ARHGEF9: variants seen among roughly 807,000 people sequenced by gnomAD.
ARHGEF9 encodes the protein rho guanine nucleotide exchange factor 9.
Under a neutral mutation model 41.3 loss-of-function variants are expected in ARHGEF9, and 2 were observed. That is an observed-to-expected ratio of 0.05 (90% CI 0.02 to 0.15). The LOEUF (loss-of-function observed/expected upper bound fraction) is 0.15. Ranked by LOEUF, ARHGEF9 falls within the 10% of genes least tolerant of loss-of-function variation. The probability of loss-of-function intolerance (pLI) is 1.00; values close to 1 mark genes in which losing one functional copy is unlikely to be tolerated. For missense variants in ARHGEF9, 225 were observed against 424.7 expected (o/e 0.53, Z 4.13); for synonymous variants, 160 against 154.4 (o/e 1.04, Z -0.27).
At chrX:63,685,983 G>A (rs782195392) in intron 4 of ARHGEF9, among the ~76,000 whole-genome samples, 3 of 111,367 alleles carry the variant, frequency 2.7e-5, no homozygotes, top group Non-Finnish European at 3.8e-5. Context: ...ACTAAAAATC[G>A]AATTACCATT....
chrX:63,651,965 A>G (rs186807652), intron 8 of ARHGEF9, among the ~76,000 whole-genome samples: 21 of 111,527 alleles, frequency 1.9e-4, no homozygotes, highest in African/African-American at 6.8e-4. Flanking sequence ...GCAAACTGAA[A>G]CAAATAGATA....
At chrX:63,655,221 A>C (rs782660928) in intron 8 of ARHGEF9, among the ~76,000 whole-genome samples, 2 of 112,105 alleles carry the variant, frequency 1.8e-5, no homozygotes, top group African/African-American at 3.2e-5. Flanking sequence ...TTATTTGCTA[A>C]TAAATGTATG....
rs782722185 is a variant in ARHGEF9 at position 63,769,171 on chromosome X, T to C, written c.30+15945A>G. On this transcript the variant is annotated intron_variant, in intron 1 of 9. Coordinates refer to ENST00000671741, the MANE Select transcript of ARHGEF9 (RefSeq NM_001353921.2). ...TATGAACAATAAAGTCCAGCTGTGG[T>C]GGTCTCAGATAAACATAAGGATCTT... is the stretch of plus-strand genomic sequence containing the variant. 5.4e-5 allele frequency among the ~76,000 whole-genome samples: 6 copies of C among 111,965 alleles called. No individual in the cohort carries two copies. In the East Asian group the frequency reaches 1.7e-3, roughly 31 times the overall value.
intron 1 of ARHGEF9, among the ~76,000 whole-genome samples, chrX:63,769,515 G>C (rs1487805292): frequency 4.5e-5 from 5 of 112,302 alleles, no homozygotes; most frequent in Non-Finnish European, 9.4e-5. Flanking sequence ...GAAGTTAAAT[G>C]TTAATCCCCA....
intron 1 of ARHGEF9, among the ~76,000 whole-genome samples, chrX:63,738,938 T>C (rs1556424986): frequency 1.8e-5 from 2 of 111,167 alleles, no homozygotes; most frequent in African/African-American, 3.3e-5. Flanking sequence ...CGAGAATCTG[T>C]GGTGTACAAA....
intron 1 of ARHGEF9, among the ~76,000 whole-genome samples, chrX:63,732,688 C>T (rs2054380848): frequency 9.0e-6 from 1 of 111,119 alleles, no homozygotes; most frequent in African/African-American, 3.3e-5. Context: ...AGGGGCTTTC[C>T]ACCACTCTTG....
chrX:63,654,338 C>A lies in ARHGEF9; in HGVS notation c.1321+1156G>T, dbSNP rs529427145. 6.3e-5 allele frequency among the ~76,000 whole-genome samples: 7 copies of A among 111,550 alleles called. No homozygotes were observed. In the South Asian group the frequency reaches 2.6e-3, roughly 42 times the overall value. ...CCTTCTAATTGATTCAGGGTCTGAA[C>A]ACTAAGACCATTCCTTTAATAACTC... On this transcript the variant is annotated intron_variant, in intron 8 of 9. Coordinates refer to ENST00000671741, the MANE Select transcript of ARHGEF9 (RefSeq NM_001353921.2).
chrX:63,712,013 T>C (rs138235892), intron 2 of ARHGEF9, among the ~76,000 whole-genome samples: 1 of 112,007 alleles, frequency 8.9e-6, no homozygotes, highest in Non-Finnish European at 1.9e-5. Flanking sequence ...AATAAATACA[T>C]GAAAAGATGC....
At chrX:63,648,979 T>A (rs1311402089) in intron 8 of ARHGEF9, among the ~76,000 whole-genome samples, 1 of 111,192 alleles carries the variant, frequency 9.0e-6, no homozygotes, top group African/African-American at 3.3e-5. Flanking sequence ...CAAAGAGACT[T>A]AGACTCCCAC....
intron 1 of ARHGEF9, among the ~76,000 whole-genome samples, chrX:63,725,515 G>T (rs2053907294): frequency 9.0e-6 from 1 of 111,634 alleles, no homozygotes; most frequent in African/African-American, 3.3e-5. Context: ...CGCTAACCCT[G>T]CTCACTAGAC....
chrX:63,704,626 C>CT (rs2052408790), intron 3 of ARHGEF9, among the ~76,000 whole-genome samples: 2 of 112,142 alleles, frequency 1.8e-5, no homozygotes. Flanking sequence ...AGAAAATTAC[C>CT]TTTTTCCAAA....
chrX:63,748,365 C>T (rs2055399342), intron 1 of ARHGEF9, among the ~76,000 whole-genome samples: 1 of 112,079 alleles, frequency 8.9e-6, no homozygotes, highest in South Asian at 3.7e-4. Context: ...AAAATAAAAA[C>T]CTCCCAAAGG....
In ARHGEF9 at chrX:63,688,248, C is replaced by A. The variant is rs1246674454; in HGVS notation, c.582+8877G>T. On this transcript the variant is annotated intron_variant, in intron 4 of 9. Transcript: ENST00000671741. Reference sequence around the variant, plus strand: ...AATGAAAAAAACAAAACAACAACAACAAAAAAACCTCCCATACTGTGCCCA... The same window carrying A: ...AATGAAAAAAACAAAACAACAACAAAAAAAAAACCTCCCATACTGTGCCCA... Among the ~76,000 whole-genome samples, 19 of 110,628 alleles carry A rather than the reference C, an allele frequency of 1.7e-4. 1 individual carries two copies. The highest frequency in any genetic ancestry group is 4.8e-4 in the Admixed American group (5 of 10,396).
chrX:63,755,986 T>A (rs1228474792), intron 1 of ARHGEF9: 3 of 320,389 alleles, frequency 9.4e-6, no homozygotes, highest in African/African-American at 8.6e-5. Context: ...CTGCTTCTAA[T>A]CATTGCCCTG....
intron 1 of ARHGEF9, among the ~76,000 whole-genome samples, chrX:63,744,320 C>T (rs2055139817): frequency 1.8e-5 from 2 of 112,392 alleles, no homozygotes; most frequent in African/African-American, 6.5e-5. Context: ...CTTGCAGGTC[C>T]AGGAATTCAC....
At chrX:63,704,446 T>C (rs781800631) in intron 3 of ARHGEF9, among the ~76,000 whole-genome samples, 1 of 111,477 alleles carries the variant, frequency 9.0e-6, no homozygotes, top group South Asian at 3.8e-4. Flanking sequence ...AGAACAGAAT[T>C]CCACTAAAAG....
chrX:63,689,507 T>C lies in ARHGEF9; in HGVS notation c.582+7618A>G, dbSNP rs782485036. ...GCACCCAAATATACACAACAAATAT[T>C]AGTAGATTTAAACAGAGAGACAGAC... On this transcript the variant is annotated intron_variant, in intron 4 of 9. Transcript: ENST00000671741. 8.0e-5 allele frequency among the ~76,000 whole-genome samples: 9 copies of C among 111,879 alleles called. No individual in the cohort carries two copies. The East Asian group carries it at 1.4e-3, about 17-fold the overall frequency.
At chrX:63,685,242 A>AT (rs2050910940) in intron 4 of ARHGEF9, among the ~76,000 whole-genome samples, 1 of 111,800 alleles carries the variant, frequency 8.9e-6, no homozygotes, top group Admixed American at 9.5e-5. Flanking sequence ...TACCTTAAAT[A>AT]TTTTTTAAAA....
chrX:63,647,937 A>G (rs2147173195), intron 8 of ARHGEF9, among the ~76,000 whole-genome samples: 1 of 111,440 alleles, frequency 9.0e-6, no homozygotes, highest in South Asian at 3.8e-4. Context: ...CCTCCAAGAA[A>G]TATGGGACTA....
Sources: allele counts gnomAD v4.1 joint callset (sites outside exome capture counted in the v4.1 genomes callset), GRCh38; gene constraint gnomAD v4.1.1; transcripts MANE v1.5; gene names NCBI Gene and HGNC (gene_info 2026-07-23, HGNC 2026-07-21).